TECTA: variants seen among roughly 807,000 people sequenced by gnomAD.
TECTA encodes the protein tectorin alpha.
In TECTA, 128 loss-of-function variants were observed where a neutral mutation model predicts 216.8. That is an observed-to-expected ratio of 0.59 (90% CI 0.51 to 0.68). TECTA has a LOEUF of 0.68. Among genes scored for constraint, TECTA ranks in the 30% least tolerant of loss-of-function variants. The pLI, the probability that TECTA is intolerant of heterozygous loss-of-function variation, is 0.00. For missense variants in TECTA, 2,551 were observed against 2,786.2 expected (o/e 0.92, Z 1.90); for synonymous variants, 1,089 against 1,117.1 (o/e 0.97, Z 0.50).
chr11:121,174,745 G>A (rs1467547968), intron 20 of TECTA, among the ~76,000 whole-genome samples: 16 of 152,092 alleles, frequency 1.1e-4, no homozygotes, highest in Non-Finnish European at 2.9e-5. Context: ...TCTATTGATT[G>A]GAATAGTTTC....
chr11:121,102,298 C>T (rs751069596), intron 1 of TECTA, among the ~76,000 whole-genome samples: 5 of 152,154 alleles, frequency 3.3e-5, no homozygotes, highest in Non-Finnish European at 4.4e-5. Flanking sequence ...AGACACAACC[C>T]GGGACCTGCA....
rs773325606 is a variant in TECTA at position 121,137,753 on chromosome 11, T to C, written c.3274T>C (p.Cys1092Arg). 1.2e-6 allele frequency: 2 copies of C among 1,614,132 alleles called. No individual in the cohort carries two copies. Among genetic ancestry groups the C allele is most frequent in the Non-Finnish European group, 1.7e-6 (2 of 1,180,030 alleles). The change falls in exon 11 of 24, where the codon TGC (cysteine) becomes CGC (arginine). Residue 1092 changes from cysteine (C) to arginine (R), a missense_variant. Cys to Arg is a radical substitution (Grantham distance 180, BLOSUM62 -3). Coordinates refer to ENST00000392793, the MANE Select transcript of TECTA (RefSeq NM_005422.4). Reference protein sequence around the residue: ...YCMEEGGLYYCQARTDASCIV... With the variant: ...YCMEEGGLYYRQARTDASCIV... ...CATGGAGGAAGGTGGCCTGTACTAC[T>C]GCCAAGCCCGCACCGACGCCTCCTG...
chr11:121,137,484 C>A lies in TECTA; in HGVS notation c.3005C>A (p.Thr1002Asn), dbSNP rs749868343. Residue 1002 changes from threonine (T) to asparagine (N), a missense_variant, in exon 11 of 24, where the codon ACC becomes AAC. Physicochemically the swap from Thr to Asn is moderately conservative, Grantham distance 65. Coordinates refer to ENST00000392793, the MANE Select transcript of TECTA (RefSeq NM_005422.4). Reference protein sequence around the residue: ...ECITCTETCETLTLGPICVDS... With the variant: ...ECITCTETCENLTLGPICVDS... ...ATCACATGTACAGAGACCTGTGAGACCCTTACCCTGGGCCCCATCTGCGTG... is the reference window on the plus strand; with the variant it reads ...ATCACATGTACAGAGACCTGTGAGAACCTTACCCTGGGCCCCATCTGCGTG... 20 of 1,613,808 alleles carry A rather than the reference C, an allele frequency of 1.2e-5. No homozygotes were observed. In the South Asian group the frequency reaches 2.1e-4, roughly 17 times the overall value.
At chr11:121,119,537 T>G (rs1161794690) in intron 7 of TECTA, among the ~76,000 whole-genome samples, 1 of 152,216 alleles carries the variant, frequency 6.6e-6, no homozygotes, top group East Asian at 1.9e-4. Flanking sequence ...CCAATTTTCA[T>G]AATGTTAATC....
At position 121,165,168 on chromosome 11, in the gene TECTA, C is replaced by A. The variant is rs1325369487; in HGVS notation, c.5273-105C>A. 5 of 1,088,464 alleles carry A rather than the reference C, an allele frequency of 4.6e-6. No homozygotes were observed. In the Admixed American group the frequency reaches 8.0e-5, roughly 17 times the overall value. 67.4% of individuals were successfully genotyped at this position (1,088,464 alleles called of 1,614,324 possible). A position where few individuals can be genotyped will look rare whatever the true frequency, so the allele number is the denominator to read the frequency against. On this transcript the variant is annotated intron_variant, in intron 16 of 23. Coordinates refer to ENST00000392793, the MANE Select transcript of TECTA (RefSeq NM_005422.4). The stretch of plus-strand genomic sequence containing the variant: ...TGTTAACTGGCAGCTGCCATCTGAC[C>A]ATTTCCAATGTGATTAAAGTGGCAA...
intron 4 of TECTA, chr11:121,110,420 G>A (rs1301773855): frequency 6.6e-6 from 1 of 152,174 alleles, no homozygotes; most frequent in African/African-American, 2.4e-5. Context: ...GTTAGAGAGA[G>A]GTGAAAAAGT....
intron 20 of TECTA, among the ~76,000 whole-genome samples, chr11:121,173,364 G>A (rs1272818909): frequency 6.8e-6 from 1 of 146,648 alleles, no homozygotes; most frequent in Non-Finnish European, 1.5e-5. Context: ...ATTAATTTTT[G>A]TATAAGGTGT....
At chr11:121,144,926 A>T (rs1203393090) in intron 11 of TECTA, among the ~76,000 whole-genome samples, 1 of 152,184 alleles carries the variant, frequency 6.6e-6, no homozygotes, top group Admixed American at 6.5e-5. Flanking sequence ...GATCCTGGCC[A>T]GCGGTAGAGA....
intron 4 of TECTA, chr11:121,109,940 A>T (rs1946427756): frequency 5.3e-6 from 1 of 190,188 alleles, no homozygotes; most frequent in African/African-American, 2.4e-5. Context: ...TTTGGTTGGA[A>T]GAGAAAAATA....
intron 15 of TECTA, among the ~76,000 whole-genome samples, chr11:121,161,177 G>A (rs2135124144): frequency 6.6e-6 from 1 of 152,302 alleles, no homozygotes; most frequent in South Asian, 2.1e-4. Flanking sequence ...ACTGAACAAT[G>A]TATCATATAT....
At chr11:121,126,731 A>T (rs1399132954) in intron 8 of TECTA, among the ~76,000 whole-genome samples, 1 of 152,318 alleles carries the variant, frequency 6.6e-6, no homozygotes, top group Admixed American at 6.5e-5. Context: ...CACATAAACC[A>T]TAATGTATCA....
In TECTA at chr11:121,113,343, C is replaced by T. The variant is rs543525262; in HGVS notation, c.624+134C>T. ...CAGGTCTGATCTCGCAGGTGGACTA[C>T]GAGGCTAGTCCTGCCCATGTTTGGC... On this transcript the variant is annotated intron_variant, in intron 5 of 23. Coordinates refer to ENST00000392793, the MANE Select transcript of TECTA (RefSeq NM_005422.4). This position sits in a 1 kb window ranked among gnomAD's most constrained non-coding sequence, Gnocchi z 4.2. 3.7e-5 allele frequency: 56 copies of T among 1,516,918 alleles called. No individual in the cohort carries two copies. The highest frequency in any genetic ancestry group is 8.6e-5 in the Admixed American group (5 of 58,402). The allele number at this position is 1,516,918 out of a possible 1,614,324, so 94.0% of individuals were successfully genotyped here.
At chr11:121,179,671 T>C (rs1421630819) in intron 20 of TECTA, among the ~76,000 whole-genome samples, 1 of 152,160 alleles carries the variant, frequency 6.6e-6, no homozygotes, top group Admixed American at 6.5e-5. Context: ...TTAGATCTAA[T>C]AATATTTGCT....
intron 3 of TECTA, among the ~76,000 whole-genome samples, chr11:121,108,964 A>G (rs1469135626): frequency 1.3e-5 from 2 of 152,218 alleles, no homozygotes; most frequent in Non-Finnish European, 2.9e-5. Flanking sequence ...GGAACATGAA[A>G]ATGAGACTGA....
intron 4 of TECTA, 64 bp downstream of exon 4, chr11:121,109,562 C>T: frequency 3.8e-6 from 6 of 1,578,580 alleles, no homozygotes; most frequent in Non-Finnish European, 5.2e-6. Context: ...TCCATCTTCG[C>T]TACCACGAAG....
intron 19 of TECTA, 89 bp downstream of exon 19, chr11:121,168,306 G>T: frequency 6.5e-7 from 1 of 1,530,520 alleles, no homozygotes; most frequent in Non-Finnish European, 9.0e-7. Context: ...GTTTGTCTTT[G>T]ATGCCCTAGG....
intron 6 of TECTA, among the ~76,000 whole-genome samples, chr11:121,116,482 G>A (rs1946503062): frequency 6.6e-6 from 1 of 152,232 alleles, no homozygotes; most frequent in South Asian, 2.1e-4. Context: ...TTGCAGAGCT[G>A]CGGAGTTGGT....
rs763928462 is a variant in TECTA, at chr11:121,137,770, C to T, written c.3291C>T (p.Asp1097=). 2.0e-5 allele frequency: 32 copies of T among 1,614,076 alleles called. No individual in the cohort carries two copies. Among genetic ancestry groups the T allele is most frequent in the Middle Eastern group, 1.6e-4 (1 of 6,084 alleles). The change falls in exon 11 of 24, where the codon GAC becomes GAT. Residue 1097 remains aspartate, a synonymous_variant. Coordinates refer to ENST00000392793, the MANE Select transcript of TECTA (RefSeq NM_005422.4). ...TGTACTACTGCCAAGCCCGCACCGA[C>T]GCCTCCTGCATCGTCTCAGGCTACG... ...GGLYYCQART[D]ASCIVSGYGH...
chr11:121,178,517 A>AGTGTGC (rs1491301385), intron 20 of TECTA, among the ~76,000 whole-genome samples: 28 of 127,276 alleles, frequency 2.2e-4, no homozygotes, highest in African/African-American at 7.8e-4. Context: ...GCTTGTAGTT[A>AGTGTGC]GTGTGTGTGT....
Sources: gnomAD v4.1 joint callset for allele counts (sites outside exome capture counted in the v4.1 genomes callset) on GRCh38, gnomAD v4.1.1 for gene constraint, Gnocchi (gnomAD v3.1) non-coding constraint, MANE v1.5 for transcripts, NCBI Gene and HGNC (gene_info 2026-07-23, HGNC 2026-07-21) for gene names.